Variants in GYS2 observed in about 807,000 individuals in gnomAD.
The protein encoded by GYS2 is glycogen synthase 2, also known as glycogen [starch] synthase, liver.
Under a neutral mutation model 85.6 loss-of-function variants are expected in GYS2, and 80 were observed. The ratio of observed to expected loss-of-function variants is 0.93; its 90% CI spans 0.78 to 1.13. The LOEUF is 1.13. Ranked by LOEUF, GYS2 falls within the 50% of genes most tolerant of loss-of-function variation. The pLI, the probability that GYS2 is intolerant of heterozygous loss-of-function variation, is 0.00. For synonymous variants in GYS2, 328 were observed against 300.7 expected, an observed-to-expected ratio of 1.09 and a Z score of -0.94; for missense variants, 881 against 854.9, an observed-to-expected ratio of 1.03 and a Z score of -0.38.
chr12:21,567,059 C>T (rs1173187513), intron 5 of GYS2, among the ~76,000 whole-genome samples: 1 of 152,062 alleles, frequency 6.6e-6, no homozygotes, highest in African/African-American at 2.4e-5. Flanking sequence ...CAGATGTTCA[C>T]CGCCTTTAAA....
chr12:21,568,619 G>T lies in GYS2; in HGVS notation c.823+246C>A, dbSNP rs778056440. ...ATTATGACAACCCAGGTCATACCAA[G>T]GTTATTTCAAGCATAGCTCATTTAT... On this transcript the variant is annotated intron_variant, in intron 5 of 15. Coordinates refer to ENST00000261195, the MANE Select transcript of GYS2 (RefSeq NM_021957.4). 2.0e-5 allele frequency among the ~76,000 whole-genome samples: 3 copies of T among 152,158 alleles called. No individual in the cohort carries two copies. The South Asian group carries it at 6.2e-4, about 32-fold the overall frequency.
At chr12:21,533,744 A>G (rs141348172), downstream of GYS2, among the ~76,000 whole-genome samples, 450 of 152,342 alleles carry the variant, frequency 3.0e-3, 2 homozygotes, top group African/African-American at 0.01. Context: ...AACTCTTACT[A>G]TGGAAGAGAC....
At chr12:21,598,304 CAT>C (rs1344267867) in intron 1 of GYS2, among the ~76,000 whole-genome samples, 1 of 152,072 alleles carries the variant, frequency 6.6e-6, no homozygotes, top group Non-Finnish European at 1.5e-5. Flanking sequence ...CAAAATGTCA[CAT>C]GTACCTGATA....
Position 21,536,760 on chromosome 12 carries a change from G to A in GYS2, c.*194C>T, listed in dbSNP as rs1943914630. Reference sequence around the variant, plus strand: ...GCCTAACTTTATGGGGGAAACAAGAGTTGGGGAAAATAACTTGGATCTTAT... The same window carrying A: ...GCCTAACTTTATGGGGGAAACAAGAATTGGGGAAAATAACTTGGATCTTAT... On this transcript the variant is annotated 3_prime_UTR_variant, in exon 16 of 16. Transcript: ENST00000261195. The A allele has an allele frequency of 1.7e-6, 1 of 602,614 alleles. No individual in the cohort carries two copies. Among genetic ancestry groups the A allele is most frequent in the South Asian group, 2.0e-5 (1 of 49,728 alleles). The allele number at this position is 602,614 out of a possible 1,614,324, so 37.3% of individuals were successfully genotyped here.
rs538977828 is a variant in GYS2, at chr12:21,585,418, G to T, written c.122-4895C>A. On this transcript the variant is annotated intron_variant, in intron 1 of 15. Coordinates refer to ENST00000261195, the MANE Select transcript of GYS2 (RefSeq NM_021957.4). ...ATCAGTCTACAACTCCACAATGGAG[G>T]TAAGGAAGCGTATGCATGGAATATA... is the stretch of plus-strand genomic sequence containing the variant. Among the ~76,000 whole-genome samples, 181 of 152,278 alleles carry T rather than the reference G, an allele frequency of 1.2e-3. 1 individual carries two copies. The highest frequency in any genetic ancestry group is 4.2e-3 in the African/African-American group (176 of 41,560).
At chr12:21,560,633 A>C (rs891849917) in intron 7 of GYS2, 141 bp from the exon 8 acceptor site, 2 of 628,854 alleles carry the variant, frequency 3.2e-6, no homozygotes, top group Non-Finnish European at 2.8e-6. Context: ...CAGAGAGATT[A>C]TATTCACCTT....
At position 21,601,070 on chromosome 12, in the gene GYS2, CT is replaced by C. The variant is rs1306452595; in HGVS notation, c.121+3401del. Among the ~76,000 whole-genome samples, 6 of 152,032 alleles carry C rather than the reference CT, an allele frequency of 3.9e-5. No homozygotes were observed. In the East Asian group the frequency reaches 1.2e-3, roughly 29 times the overall value. On this transcript the variant is annotated intron_variant, in intron 1 of 15. Coordinates refer to ENST00000261195, the MANE Select transcript of GYS2 (RefSeq NM_021957.4). ...ATTATGTGTGACAACATTTATTAAA[CT>C]TTTTTAATGATCCTAAATATCCTTA... is the stretch of plus-strand genomic sequence containing the variant.
At chr12:21,577,226 TTTTCTCCTTG>T (rs1187184239) in intron 2 of GYS2, among the ~76,000 whole-genome samples, 1 of 152,192 alleles carries the variant, frequency 6.6e-6, no homozygotes, top group African/African-American at 2.4e-5. Flanking sequence ...TTTCAATAGT[TTTTCTCCTTG>T]GGAAATTCAT....
intron 1 of GYS2, among the ~76,000 whole-genome samples, chr12:21,603,366 C>T (rs1396416337): frequency 6.6e-6 from 1 of 152,048 alleles, no homozygotes; most frequent in African/African-American, 2.4e-5. Context: ...AATGCATACA[C>T]ACGAGAACTT....
At chr12:21,588,809 C>G (rs745519643) in intron 1 of GYS2, among the ~76,000 whole-genome samples, 1 of 152,186 alleles carries the variant, frequency 6.6e-6, no homozygotes, top group Non-Finnish European at 1.5e-5. Context: ...TCCTCAAATT[C>G]TGGACAATTT....
intron 1 of GYS2, among the ~76,000 whole-genome samples, chr12:21,595,016 A>G (rs917559036): frequency 2.6e-5 from 4 of 152,188 alleles, no homozygotes; most frequent in African/African-American, 9.6e-5. Context: ...TGTTCAAGAA[A>G]TGGTGCTGAA....
At chr12:21,593,301 A>AAAT (rs1944659573) in intron 1 of GYS2, among the ~76,000 whole-genome samples, 3 of 151,062 alleles carry the variant, frequency 2.0e-5, no homozygotes, top group Non-Finnish European at 4.4e-5. Context: ...AAATAGAGAA[A>AAAT]AACAACAACA....
In GYS2 at chr12:21,565,390, AATATATATATATATATATATATATATAT is replaced by A. The variant is rs55790137; in HGVS notation, c.824-2073_824-2046del. 4.8e-4 allele frequency among the ~76,000 whole-genome samples: 35 copies of A among 73,634 alleles called. No homozygotes were observed. In the East Asian group the frequency reaches 5.5e-3, roughly 12 times the overall value. 48.3% of individuals were successfully genotyped at this position (73,634 alleles called of 152,430 possible). ...ACCATTATACTATTTCCATCCATGA[AATATATATATATATATATATATATATAT>A]ATATATATATATATATGGATGTTAC... On this transcript the variant is annotated intron_variant, in intron 5 of 15. Transcript: ENST00000261195.
Position 21,562,950 on chromosome 12 carries a change from C to A in GYS2, c.1030G>T (p.Glu344Ter). Reference sequence around the variant, plus strand: ...AGGAAATTTAGCCTGGATAAGGATTCTAGGAAGATGTCAGCTCCTTTGTTT... The same window carrying A: ...AGGAAATTTAGCCTGGATAAGGATTATAGGAAGATGTCAGCTCCTTTGTTT... ...FSNKGADIFL[E>*]SLSRLNFLLR... The change falls in exon 7 of 16, where the codon GAA becomes TAA. Residue 344 changes from glutamate (E) to a stop codon, truncating the protein, a stop_gained. Coordinates refer to ENST00000261195, the MANE Select transcript of GYS2 (RefSeq NM_021957.4). LOFTEE classifies it high-confidence loss of function. 2 of 1,611,398 alleles carry A rather than the reference C, an allele frequency of 1.2e-6. No homozygotes were observed. The highest frequency in any genetic ancestry group is 1.7e-6 in the Non-Finnish European group (2 of 1,177,622).
chr12:21,568,793 A>T, intron 5 of GYS2, 72 bp downstream of exon 5: 3 of 1,372,656 alleles, frequency 2.2e-6, no homozygotes, highest in Non-Finnish European at 3.1e-6. Flanking sequence ...CTACTTCACG[A>T]TGGAAAACAA....
At position 21,563,018 on chromosome 12, in the gene GYS2, T is replaced by A. The variant is rs1475051645; in HGVS notation, c.962A>T (p.Glu321Val). Residue 321 changes from glutamate to valine, a missense_variant, in exon 7 of 16, where the codon GAA becomes GTA. Coordinates refer to ENST00000261195, the MANE Select transcript of GYS2 (RefSeq NM_021957.4). ...AGCAATGAAAAGGAACAAAGTCTTT[T>A]CAAGATCAAAGTCGAGATGACTAAA... is the stretch of plus-strand genomic sequence containing the variant. ...HFYGHLDFDL[E>V]KTLFLFIAGR... is the part of the protein sequence containing the mutation. 9.9e-6 allele frequency: 16 copies of A among 1,612,460 alleles called. No individual in the cohort carries two copies. Among genetic ancestry groups the A allele is most frequent in the Non-Finnish European group, 1.3e-5 (15 of 1,178,762 alleles).
At chr12:21,593,155 A>G (rs1333574624) in intron 1 of GYS2, among the ~76,000 whole-genome samples, 3 of 151,872 alleles carry the variant, frequency 2.0e-5, no homozygotes, top group Admixed American at 2.0e-4. Context: ...AAGCTTATCA[A>G]TAAACACTTA....
chr12:21,568,026 C>T (rs1446531671), intron 5 of GYS2, among the ~76,000 whole-genome samples: 2 of 151,522 alleles, frequency 1.3e-5, no homozygotes, highest in African/African-American at 2.4e-5. Context: ...GAGCTGAGAT[C>T]ACGCCACTGC....
At chr12:21,584,583 C>G (rs1025517951) in intron 1 of GYS2, among the ~76,000 whole-genome samples, 9 of 152,196 alleles carry the variant, frequency 5.9e-5, no homozygotes, top group Non-Finnish European at 1.3e-4. Context: ...GACCTGGCCA[C>G]AGCCACTGCT....
Sources: gnomAD v4.1 joint callset for allele counts (sites outside exome capture counted in the v4.1 genomes callset) on GRCh38, gnomAD v4.1.1 for gene constraint, MANE v1.5 for transcripts, NCBI Gene and HGNC (gene_info 2026-07-23, HGNC 2026-07-21) for gene names.